ATF3: variants seen among roughly 807,000 people sequenced by gnomAD.
ATF3 encodes the protein activating transcription factor 3, also known as cyclic AMP-dependent transcription factor ATF-3.
ATF3 carries 10 observed loss-of-function variants against 18.4 expected under a neutral mutation model. The ratio of observed to expected loss-of-function variants is 0.54; its 90% CI spans 0.34 to 0.92. The LOEUF is 0.92. ATF3 is among the 40% of genes least tolerant of loss of function. The pLI is 0.02. For synonymous variants in ATF3, 78 were observed against 87.9 expected (o/e 0.89, Z 0.63); for missense variants, 183 against 222.3 (o/e 0.82, Z 1.12).
chr1:212,596,149 C>A (rs1664990114), intron 1 of ATF3, among the ~76,000 whole-genome samples: 1 of 152,168 alleles, frequency 6.6e-6, no homozygotes, highest in Admixed American at 6.5e-5. Context: ...TGAAATTTAA[C>A]ATGAGAAAAA....
intron 1 of ATF3, among the ~76,000 whole-genome samples, chr1:212,595,595 C>T (rs114397621): frequency 6.6e-6 from 1 of 152,200 alleles, no homozygotes; most frequent in African/African-American, 2.4e-5. Context: ...GAAACCATTA[C>T]TCGAATTGGG....
intron 1 of ATF3, among the ~76,000 whole-genome samples, chr1:212,571,641 C>T (rs1413088459): frequency 6.6e-6 from 1 of 151,842 alleles, no homozygotes; most frequent in Non-Finnish European, 1.5e-5. Flanking sequence ...AACTCCTGAC[C>T]TCAGTTGATC....
chr1:212,566,109 A>G (rs145587340), intron 1 of ATF3, among the ~76,000 whole-genome samples: 1 of 152,260 alleles, frequency 6.6e-6, no homozygotes, highest in Non-Finnish European at 1.5e-5. Flanking sequence ...GAGGTTAGAG[A>G]GGAAAAGCCC....
chr1:212,587,816 G>A (rs910697893), intron 1 of ATF3, among the ~76,000 whole-genome samples: 1 of 152,094 alleles, frequency 6.6e-6, no homozygotes, highest in Non-Finnish European at 1.5e-5. Context: ...TATCTTAAAG[G>A]ACAGACAGGA....
chr1:212,614,819 C>T (rs1477310051), intron 1 of ATF3, among the ~76,000 whole-genome samples, 199 bp from the exon 2 acceptor site: 1 of 152,162 alleles, frequency 6.6e-6, no homozygotes, highest in Non-Finnish European at 1.5e-5. Flanking sequence ...TTGTTCATGT[C>T]ACTGAGCTAT....
At chr1:212,583,430 A>G (rs1360321984) in intron 1 of ATF3, among the ~76,000 whole-genome samples, 1 of 152,196 alleles carries the variant, frequency 6.6e-6, no homozygotes, top group Non-Finnish European at 1.5e-5. Context: ...TTAACTGAGG[A>G]GAGTTTAGCA....
At chr1:212,605,165 T>C (rs10494954), upstream of ATF3, among the ~76,000 whole-genome samples, 6,817 of 152,334 alleles carry the variant, frequency 0.045, 355 homozygotes, top group East Asian at 0.24. Flanking sequence ...AACAATCTTA[T>C]GCATTAGGTG....
At chr1:212,594,160 G>C (rs1445905300) in intron 1 of ATF3, among the ~76,000 whole-genome samples, 1 of 152,142 alleles carries the variant, frequency 6.6e-6, no homozygotes, top group Non-Finnish European at 1.5e-5. Context: ...CCTCCAGTTC[G>C]GGGCTCGGTG....
At chr1:212,572,762 T>A (rs1664508421) in intron 1 of ATF3, among the ~76,000 whole-genome samples, 1 of 152,218 alleles carries the variant, frequency 6.6e-6, no homozygotes, top group African/African-American at 2.4e-5. Flanking sequence ...CGCATTCTCA[T>A]TATAGCTTTT....
At chr1:212,566,969 A>G (rs1376485872) in intron 1 of ATF3, among the ~76,000 whole-genome samples, 1 of 152,198 alleles carries the variant, frequency 6.6e-6, no homozygotes, top group Non-Finnish European at 1.5e-5. Context: ...TCCCTAGAGA[A>G]AGTCTCCAAA....
In ATF3 at chr1:212,618,510, C is replaced by A; in HGVS notation, c.348+276C>A. ...CCGGTTCATACATGTCCATCAGCTT[C>A]CAGGCTGCAGGACATGCCAGCCCAG... is the stretch of plus-strand genomic sequence containing the variant. On this transcript the variant is annotated intron_variant, in intron 3 of 3. Transcript: ENST00000341491. This position sits in a 1 kb window ranked among gnomAD's most constrained non-coding sequence, Gnocchi z 4.4. 2.1e-6 allele frequency: 1 copy of A among 486,636 alleles called. No individual in the cohort carries two copies. 30.1% of individuals were successfully genotyped at this position (486,636 alleles called of 1,614,324 possible). A position where few individuals can be genotyped will look rare whatever the true frequency, so the allele number is the denominator to read the frequency against.
At chr1:212,590,657 C>A (rs1475471030) in intron 1 of ATF3, among the ~76,000 whole-genome samples, 3 of 152,170 alleles carry the variant, frequency 2.0e-5, no homozygotes, top group Non-Finnish European at 4.4e-5. Flanking sequence ...AAATTGAATT[C>A]AGTGTGAACA....
At chr1:212,596,006 G>GA (rs1205072028) in intron 1 of ATF3, among the ~76,000 whole-genome samples, 4 of 152,360 alleles carry the variant, frequency 2.6e-5, no homozygotes, top group African/African-American at 9.6e-5. Flanking sequence ...GGCTTGATGA[G>GA]AAAATGAAAC....
intron 1 of ATF3, among the ~76,000 whole-genome samples, chr1:212,573,574 G>T (rs1664520909): frequency 6.6e-6 from 1 of 151,654 alleles, no homozygotes; most frequent in East Asian, 1.9e-4. Flanking sequence ...TTTATATCAG[G>T]GTCATCTCTG....
intron 1 of ATF3, among the ~76,000 whole-genome samples, chr1:212,589,694 A>G (rs1267458632): frequency 6.6e-6 from 1 of 151,614 alleles, no homozygotes; most frequent in Admixed American, 6.6e-5. Context: ...AAAAAAAAAA[A>G]GAAAGAAAAA....
chr1:212,611,611 G>T (rs1654895715), intron 1 of ATF3, among the ~76,000 whole-genome samples: 1 of 152,190 alleles, frequency 6.6e-6, no homozygotes. Flanking sequence ...GGAAGACCAA[G>T]ATATGAAGAG....
intron 1 of ATF3, among the ~76,000 whole-genome samples, chr1:212,594,694 T>C (rs1041588496): frequency 5.9e-5 from 9 of 152,186 alleles, no homozygotes; most frequent in African/African-American, 2.2e-4. Context: ...ACTCTTTATT[T>C]CAATCTCCAG....
At position 212,619,865 on chromosome 1, in the gene ATF3, A is replaced by C; in HGVS notation, c.*310A>C. On this transcript the variant is annotated 3_prime_UTR_variant, in exon 4 of 4. Transcript: ENST00000341491. The surrounding 1 kb of genome is among the most constrained non-coding windows in gnomAD (Gnocchi z 4.4). ...GCCTTTCATCTGGATTCTACAAAAA[A>C]CCAGGATGCCCACCGTTAGGATTCA... is the stretch of plus-strand genomic sequence containing the variant. 3.2e-5 allele frequency: 10 copies of C among 311,932 alleles called. No individual in the cohort carries two copies. Among genetic ancestry groups the C allele is most frequent in the Non-Finnish European group, 5.7e-5 (9 of 158,470 alleles). The allele number at this position is 311,932 out of a possible 1,614,324, so 19.3% of individuals were successfully genotyped here.
chr1:212,606,324 A>G (rs942947310), upstream of ATF3, among the ~76,000 whole-genome samples: 6 of 152,258 alleles, frequency 3.9e-5, no homozygotes, highest in Non-Finnish European at 5.9e-5. Flanking sequence ...TTAGAATATC[A>G]GGATCAGACT....
Sources: allele counts gnomAD v4.1 joint callset (sites outside exome capture counted in the v4.1 genomes callset), GRCh38; gene constraint gnomAD v4.1.1; non-coding constraint Gnocchi (gnomAD v3.1); transcripts MANE v1.5; gene names NCBI Gene and HGNC (gene_info 2026-07-23, HGNC 2026-07-21).